ADGB: variants seen among roughly 807,000 people sequenced by gnomAD.
The protein encoded by ADGB is androglobin.
In ADGB, 172 loss-of-function variants were observed where a neutral mutation model predicts 210.5. That is an observed-to-expected ratio of 0.82 (90% confidence interval 0.72 to 0.93). The LOEUF (loss-of-function observed/expected upper bound fraction) is 0.93. Among genes scored for constraint, ADGB ranks in the 40% least tolerant of loss-of-function variants. The probability of loss-of-function intolerance (pLI) is 0.00; values close to 1 mark genes in which losing one functional copy is unlikely to be tolerated. For synonymous variants in ADGB, 658 were observed against 662.7 expected (o/e 0.99, Z 0.11); for missense variants, 2,025 against 1,964.8 (o/e 1.03, Z -0.58).
chr6:146,760,603 T>C (rs1477944467), intron 27 of ADGB, among the ~76,000 whole-genome samples: 1 of 151,890 alleles, frequency 6.6e-6, no homozygotes, highest in Admixed American at 6.6e-5. Context: ...TATGTTTTCA[T>C]TTCACTTGGA....
chr6:146,665,491 G>A (rs1382494564), intron 6 of ADGB, among the ~76,000 whole-genome samples: 1 of 150,526 alleles, frequency 6.6e-6, no homozygotes, highest in Non-Finnish European at 1.5e-5. Flanking sequence ...ATTTATTTGG[G>A]AAAAAAAAAT....
chr6:146,665,898 A>G (rs1005605954), intron 6 of ADGB, among the ~76,000 whole-genome samples: 1 of 152,108 alleles, frequency 6.6e-6, no homozygotes, highest in Non-Finnish European at 1.5e-5. Context: ...CACAGAAAAG[A>G]GCATTATTTC....
intron 29 of ADGB, among the ~76,000 whole-genome samples, chr6:146,778,763 C>A (rs143208001): frequency 1.3e-5 from 2 of 152,212 alleles, no homozygotes; most frequent in East Asian, 3.9e-4. Context: ...TCCACTATCC[C>A]AGGACCCTAT....
intron 13 of ADGB, among the ~76,000 whole-genome samples, chr6:146,711,020 C>T (rs1022006884): frequency 3.9e-5 from 6 of 152,166 alleles, no homozygotes; most frequent in African/African-American, 1.4e-4. Flanking sequence ...TTAATTTAGA[C>T]GTTATCTCTT....
chr6:146,634,479 T>C (rs1775369657), intron 1 of ADGB, among the ~76,000 whole-genome samples: 2 of 152,118 alleles, frequency 1.3e-5, no homozygotes, highest in South Asian at 4.1e-4. Context: ...GGCAGGGTTT[T>C]AGCCTCACAA....
intron 14 of ADGB, 50 bp downstream of exon 14, chr6:146,715,465 GA>G: frequency 7.6e-7 from 1 of 1,314,256 alleles, no homozygotes; most frequent in Non-Finnish European, 1.0e-6. Context: ...TCAAGATACA[GA>G]GGGGCATCTC....
intron 5 of ADGB, among the ~76,000 whole-genome samples, chr6:146,660,076 C>T (rs1425164621): frequency 6.6e-6 from 1 of 152,088 alleles, no homozygotes; most frequent in Admixed American, 6.6e-5. Context: ...GTACAGAAAC[C>T]CCCCAACATC....
intron 22 of ADGB, among the ~76,000 whole-genome samples, chr6:146,735,037 G>GT (rs905771001): frequency 1.0e-4 from 11 of 108,002 alleles, no homozygotes; most frequent in African/African-American, 4.6e-4. Flanking sequence ...AAACTTTCTT[G>GT]TAAAAAAAAA....
rs780617624 is a variant in ADGB, at chr6:146,656,820, A to G, written c.452A>G (p.Asn151Ser). The G allele has an allele frequency of 1.0e-5, 16 of 1,551,242 alleles. No homozygotes were observed. The highest frequency in any genetic ancestry group is 4.1e-5 in the African/African-American group (3 of 73,020). ...ATCTATGCAGTGTGGAAGATCTTCA[A>G]TGGAGGAATTTTGAGCAATTATTTT... ...SEIYAVWKIF[N>S]GGILSNYFKG... The change falls in exon 5 of 36, where the codon AAT (asparagine) becomes AGT (serine). Residue 151 changes from asparagine to serine, a missense_variant. Physicochemically the swap from Asn to Ser is conservative, Grantham distance 46. Coordinates refer to ENST00000397944, the MANE Select transcript of ADGB (RefSeq NM_024694.4).
At chr6:146,807,593 G>A (rs1169968122) in intron 35 of ADGB, 4 of 1,535,478 alleles carry the variant, frequency 2.6e-6, no homozygotes, top group East Asian at 2.5e-5. Flanking sequence ...AGTAACCAGG[G>A]GATGTCCAAT....
intron 11 of ADGB, 147 bp downstream of exon 11, chr6:146,691,437 TA>T (rs1562275523): frequency 5.0e-4 from 12 of 23,980 alleles, no homozygotes; most frequent in African/African-American, 3.6e-3. Context: ...TATATATATA[TA>T]TATAAAAATA....
chr6:146,733,887 T>C lies in ADGB; in HGVS notation c.2657-6T>C. The C allele has an allele frequency of 6.4e-7, 1 of 1,551,468 alleles. No individual in the cohort carries two copies. The highest frequency in any genetic ancestry group is 8.7e-7 in the Non-Finnish European group (1 of 1,146,890). ...TTCAGTCCAAAGTTTGTTTTTCCCT[T>C]TCCAGTGGAATGGCTGGACGTTAAA... On this transcript the variant is annotated splice_region_variant and splice_polypyrimidine_tract_variant and intron_variant, in intron 21 of 35. Coordinates refer to ENST00000397944, the MANE Select transcript of ADGB (RefSeq NM_024694.4).
chr6:146,619,585 T>C (rs1403003450), intron 1 of ADGB, among the ~76,000 whole-genome samples: 1 of 152,062 alleles, frequency 6.6e-6, no homozygotes, highest in East Asian at 1.9e-4. Flanking sequence ...ACAGAAAATA[T>C]CTTACAGTTA....
chr6:146,746,212 C>A, intron 26 of ADGB, 103 bp downstream of exon 26: 3 of 828,388 alleles, frequency 3.6e-6, no homozygotes, highest in Non-Finnish European at 5.4e-6. Flanking sequence ...TTTTGAATTT[C>A]AAATTCCATA....
At chr6:146,786,052 C>G (rs1486125837) in intron 32 of ADGB, among the ~76,000 whole-genome samples, 1 of 150,214 alleles carries the variant, frequency 6.7e-6, no homozygotes, top group African/African-American at 2.4e-5. Flanking sequence ...AGGTCTACTA[C>G]TATATTATTA....
intron 3 of ADGB, among the ~76,000 whole-genome samples, chr6:146,649,174 T>G (rs890577081): frequency 1.3e-5 from 2 of 150,936 alleles, no homozygotes; most frequent in African/African-American, 4.9e-5. Flanking sequence ...TTTTTTTTTT[T>G]GCTAAACATT....
rs533666861 is a variant in ADGB, at chr6:146,738,990, A to G, written c.2889-1469A>G. Among the ~76,000 whole-genome samples, 47 of 152,314 alleles carry G rather than the reference A, an allele frequency of 3.1e-4. No individual in the cohort carries two copies. In the South Asian group the frequency reaches 9.7e-3, roughly 32 times the overall value. ...GAAACTAATTCTTAATTAAGACTAA[A>G]TCTTCCAACTCAGTCAGGTATATCA... On this transcript the variant is annotated intron_variant, in intron 23 of 35. Transcript: ENST00000397944.
intron 29 of ADGB, among the ~76,000 whole-genome samples, chr6:146,772,625 A>G (rs1777667169): frequency 6.8e-6 from 1 of 147,434 alleles, no homozygotes; most frequent in Non-Finnish European, 1.5e-5. Context: ...ATTATATATT[A>G]TATTTATATC....
At chr6:146,747,621 G>T (rs1447160088) in intron 26 of ADGB, among the ~76,000 whole-genome samples, 1 of 152,110 alleles carries the variant, frequency 6.6e-6, no homozygotes, top group Non-Finnish European at 1.5e-5. Flanking sequence ...TTTCTGAGAA[G>T]AGCCTCACTG....
Sources: gnomAD v4.1 joint callset for allele counts (sites outside exome capture counted in the v4.1 genomes callset) on GRCh38, gnomAD v4.1.1 for gene constraint, MANE v1.5 for transcripts, NCBI Gene and HGNC (gene_info 2026-07-23, HGNC 2026-07-21) for gene names.